The following RSKR variants were observed in gnomAD, a reference collection of about 807,000 sequenced individuals.
RSKR encodes the protein ribosomal protein S6 kinase-related protein.
In RSKR, 44 loss-of-function variants were observed where a neutral mutation model predicts 56.8. The observed-to-expected ratio is 0.77, with a 90% CI of 0.61 to 1.00. RSKR has a LOEUF of 1.00. RSKR is among the 50% of genes least tolerant of loss of function. The probability of loss-of-function intolerance (pLI) is 0.00; values close to 1 mark genes in which losing one functional copy is unlikely to be tolerated. For synonymous variants in RSKR, 181 were observed against 188.0 expected (o/e 0.96, Z 0.30); for missense variants, 510 against 506.9 (o/e 1.01, Z -0.06).
intron 4 of RSKR, 28 bp downstream of exon 4, chr17:28,613,050 A>T: frequency 6.2e-7 from 1 of 1,613,454 alleles, no homozygotes; most frequent in Non-Finnish European, 8.5e-7. Flanking sequence ...AGCTCTTCCC[A>T]CAATCCTTTC....
chr17:28,611,540 T>C, intron 9 of RSKR, 27 bp downstream of exon 9: 2 of 1,561,450 alleles, frequency 1.3e-6, no homozygotes, highest in Non-Finnish European at 1.7e-6. Flanking sequence ...TGCCCAATGC[T>C]TACCCATCAG....
At chr17:28,612,203 T>C in intron 6 of RSKR, 59 bp downstream of exon 6, 3 of 1,594,846 alleles carry the variant, frequency 1.9e-6, no homozygotes, top group Non-Finnish European at 2.6e-6. Flanking sequence ...AATTTTTTAC[T>C]CTCCTTCTTC....
rs568902381 is a variant in RSKR, at chr17:28,610,144, A to G, written c.*334T>C. ...GCCCATGAAGTATTATTATTGCTCA[A>G]GAAAGGAAACATGGCAGAGAAACAA... On this transcript the variant is annotated 3_prime_UTR_variant, in exon 12 of 12. Coordinates refer to ENST00000301037, the MANE Select transcript of RSKR (RefSeq NM_001174103.2). The G allele has an allele frequency of 1.1e-5, 3 of 269,690 alleles. No homozygotes were observed. Among genetic ancestry groups the G allele is most frequent in the African/African-American group, 6.4e-5 (3 of 46,558 alleles). The allele number at this position is 269,690 out of a possible 1,614,324, so 16.7% of individuals were successfully genotyped here.
rs751888529 is a variant in RSKR at position 28,612,696 on chromosome 17, A to G, written c.478-9T>C. ...GGATGGTTGATCTGTCGCTAGGAAC[A>G]AAGAAAACAGGAAGTTAGGGAGGAA... On this transcript the variant is annotated splice_polypyrimidine_tract_variant and intron_variant, in intron 4 of 11. Coordinates refer to ENST00000301037, the MANE Select transcript of RSKR (RefSeq NM_001174103.2). The G allele has an allele frequency of 6.2e-7, 1 of 1,614,152 alleles. No individual in the cohort carries two copies. Among genetic ancestry groups the G allele is most frequent in the Non-Finnish European group, 8.5e-7 (1 of 1,179,982 alleles).
chr17:28,610,891 G>C, intron 11 of RSKR, 192 bp from the exon 12 acceptor site: 1 of 677,356 alleles, frequency 1.5e-6, no homozygotes, highest in South Asian at 2.0e-5. Context: ...AGCTGTGCTT[G>C]TGAGTTTTCA....
intron 8 of RSKR, 21 bp from the exon 9 acceptor site, chr17:28,611,677 A>G (rs758678262): frequency 6.2e-7 from 1 of 1,607,892 alleles, no homozygotes; most frequent in East Asian, 2.2e-5. Flanking sequence ...AGGTAAGGCA[A>G]CTGCACCACT....
At position 28,610,305 on chromosome 17, in the gene RSKR, TG is replaced by T. The variant is rs1406787382; in HGVS notation, c.*172del. The T allele has an allele frequency of 9.7e-6, 6 of 617,796 alleles. No homozygotes were observed. The highest frequency in any genetic ancestry group is 1.8e-5 in the African/African-American group (1 of 54,128). The allele number at this position is 617,796 out of a possible 1,614,324, so 38.3% of individuals were successfully genotyped here. ...GATAGGGAAGGAATAGGGCCAGCTGTGGCTGCCAGTAGCAGAATGTCCAGGT... is the reference window on the plus strand; with the variant it reads ...GATAGGGAAGGAATAGGGCCAGCTGTGCTGCCAGTAGCAGAATGTCCAGGT... On this transcript the variant is annotated 3_prime_UTR_variant, in exon 12 of 12. Coordinates refer to ENST00000301037, the MANE Select transcript of RSKR (RefSeq NM_001174103.2).
chr17:28,610,528 C>A lies in RSKR; in HGVS notation c.1183G>T (p.Asp395Tyr), dbSNP rs1046342133. ...PSSAETMPFD[D>Y]FDCDLESFLL... ...AAGGACTCCAGATCACAGTCAAAGT[C>A]GTCAAAGGGCATGGTCTCCGCTGAA... The change falls in exon 12 of 12, where the codon GAC becomes TAC. Residue 395 changes from aspartate to tyrosine, a missense_variant. Physicochemically the swap from Asp to Tyr is radical, Grantham distance 160. Coordinates refer to ENST00000301037, the MANE Select transcript of RSKR (RefSeq NM_001174103.2). 1 of 1,535,998 alleles carries A rather than the reference C, an allele frequency of 6.5e-7. No homozygotes were observed. Among genetic ancestry groups the A allele is most frequent in the South Asian group, 1.2e-5 (1 of 84,052 alleles).
In RSKR at chr17:28,610,359, G is replaced by A. The variant is rs996355784; in HGVS notation, c.*119C>T. On this transcript the variant is annotated 3_prime_UTR_variant, in exon 12 of 12. Coordinates refer to ENST00000301037, the MANE Select transcript of RSKR (RefSeq NM_001174103.2). ...GAACTCTGGTCTAAAGCCTAGGAGAGCAGAACGGTAAGAGGCTACAAAATA... is the reference window on the plus strand; with the variant it reads ...GAACTCTGGTCTAAAGCCTAGGAGAACAGAACGGTAAGAGGCTACAAAATA... 9 of 930,576 alleles carry A rather than the reference G, an allele frequency of 9.7e-6. No individual in the cohort carries two copies. The Admixed American group carries it at 2.2e-4, about 22-fold the overall frequency. 57.6% of individuals were successfully genotyped at this position (930,576 alleles called of 1,614,324 possible).
rs1347385583 is a variant in RSKR, at chr17:28,609,654, G to A, written c.*824C>T. ...TTTGAAAAATTCACAGGCTGGGTGT[G>A]GAGGCTCATGCCTGTGAAGGTTGCA... On this transcript the variant is annotated 3_prime_UTR_variant, in exon 12 of 12. Coordinates refer to ENST00000301037, the MANE Select transcript of RSKR (RefSeq NM_001174103.2). 1.3e-5 allele frequency: 2 copies of A among 150,934 alleles called. No homozygotes were observed. Among genetic ancestry groups the A allele is most frequent in the Non-Finnish European group, 3.0e-5 (2 of 67,752 alleles). 9.3% of individuals were successfully genotyped at this position (150,934 alleles called of 1,614,324 possible). A position where few individuals can be genotyped will look rare whatever the true frequency, so the allele number is the denominator to read the frequency against.
Position 28,613,558 on chromosome 17 carries a change from A to T in RSKR, c.206T>A (p.Leu69Gln). Residue 69 changes from leucine (L) to glutamine (Q), a missense_variant, in exon 2 of 12, where the codon CTA becomes CAA. By Grantham distance (113) the Leu-to-Gln change is moderately radical (BLOSUM62 -2). Coordinates refer to ENST00000301037, the MANE Select transcript of RSKR (RefSeq NM_001174103.2). ...CTCTACCAGTACTGGGGCTGGCTTT[A>T]GGGATTCCTGGTGCAGATAGTGGTG... Reference protein sequence around the residue: ...RGHHYLHQESLKPAPVLVEKP... With the variant: ...RGHHYLHQESQKPAPVLVEKP... The T allele has an allele frequency of 6.2e-7, 1 of 1,614,196 alleles. No homozygotes were observed. Among genetic ancestry groups the T allele is most frequent in the South Asian group, 1.1e-5 (1 of 91,082 alleles).
In RSKR at chr17:28,611,776, T is replaced by C. The variant is rs145188224; in HGVS notation, c.713A>G (p.Asp238Gly). The C allele has an allele frequency of 5.0e-5, 80 of 1,614,098 alleles. No individual in the cohort carries two copies. The highest frequency in any genetic ancestry group is 6.1e-5 in the Non-Finnish European group (72 of 1,180,046). ...GAAGGAAAAAGACTTACCTCGTTCA[T>C]CTAGAAGAATATTCTCCATCTGAAA... The part of the protein sequence containing the change: ...RDVKMENILL[D>G]ERGHLKLTDF... Residue 238 changes from aspartate (D) to glycine (G), a missense_variant, in exon 8 of 12, where the codon GAT (aspartate) becomes GGT (glycine). Physicochemically the swap from Asp to Gly is moderately conservative, Grantham distance 94 (BLOSUM62 -1). Coordinates refer to ENST00000301037, the MANE Select transcript of RSKR (RefSeq NM_001174103.2).
chr17:28,612,653 C>A lies in RSKR; in HGVS notation c.512G>T (p.Gly171Val). The A allele has an allele frequency of 1.2e-6, 2 of 1,614,124 alleles. No individual in the cohort carries two copies. Among genetic ancestry groups the A allele is most frequent in the Non-Finnish European group, 1.7e-6 (2 of 1,180,026 alleles). Residue 171 changes from glycine to valine, a missense_variant, in exon 5 of 12, where the codon GGG becomes GTG. Coordinates refer to ENST00000301037, the MANE Select transcript of RSKR (RefSeq NM_001174103.2). ...QINHPFVHSLGDSWQGKRHLF... is the reference protein window; with the variant it reads ...QINHPFVHSLVDSWQGKRHLF... ...GTGCCGTTTTCCCTGCCAGCTGTCC[C>A]CCAAGCTGTGTACAAAGGGATGGTT...
rs749382342 is a variant in RSKR at position 28,609,032 on chromosome 17, CTTTTTTTTT to C, written c.*1437_*1445del. The C allele has an allele frequency of 8.5e-5, 8 of 93,630 alleles. No homozygotes were observed. Among genetic ancestry groups the C allele is most frequent in the African/African-American group, 3.4e-4 (7 of 20,798 alleles). The allele number at this position is 93,630 out of a possible 1,614,324, so 5.8% of individuals were successfully genotyped here. A position where few individuals can be genotyped will look rare whatever the true frequency, so the allele number is the denominator to read the frequency against. ...TTGAGATATGTCTCTAACCTTAAATCTTTTTTTTTTTTTTTTTTTTTTTTTTTTGAGACA... is the reference window on the plus strand; with the variant it reads ...TTGAGATATGTCTCTAACCTTAAATCTTTTTTTTTTTTTTTTTTTGAGACA... On this transcript the variant is annotated 3_prime_UTR_variant, in exon 12 of 12. Coordinates refer to ENST00000301037, the MANE Select transcript of RSKR (RefSeq NM_001174103.2).
Position 28,612,269 on chromosome 17 carries a change from C to T in RSKR, c.645G>A (p.Leu215=). The T allele has an allele frequency of 6.2e-7, 1 of 1,614,096 alleles. No individual in the cohort carries two copies. ...SIRLFAAELV[L]VLCYLHDLGI... The stretch of plus-strand genomic sequence containing the variant: ...TACCACTGTTTCACTTACACAGTAC[C>T]AGCACCAACTCGGCAGCAAAGAGAC... Residue 215 remains leucine (L), a synonymous_variant, in exon 6 of 12, where the codon CTG becomes CTA. Coordinates refer to ENST00000301037, the MANE Select transcript of RSKR (RefSeq NM_001174103.2).
At chr17:28,610,732 C>G (rs1411686176) in intron 11 of RSKR, 33 bp from the exon 12 acceptor site, 4 of 1,526,342 alleles carry the variant, frequency 2.6e-6, no homozygotes, top group Admixed American at 2.0e-5. Context: ...GGATGAGTGA[C>G]TAGGACAGGA....
Position 28,608,140 on chromosome 17 carries a change from C to G in RSKR, c.*2338G>C, listed in dbSNP as rs1465688813. 6.6e-6 allele frequency: 1 copy of G among 152,114 alleles called. No individual in the cohort carries two copies. The highest frequency in any genetic ancestry group is 6.5e-5 in the Admixed American group (1 of 15,270). 9.4% of individuals were successfully genotyped at this position (152,114 alleles called of 1,614,324 possible). A position where few individuals can be genotyped will look rare whatever the true frequency, so the allele number is the denominator to read the frequency against. On this transcript the variant is annotated 3_prime_UTR_variant, in exon 12 of 12. Coordinates refer to ENST00000301037, the MANE Select transcript of RSKR (RefSeq NM_001174103.2). Reference sequence around the variant, plus strand: ...GACTAGCATACAAAATACATAAACACTTGCTGAAGGTAGACCACAAATTGG... The same window carrying G: ...GACTAGCATACAAAATACATAAACAGTTGCTGAAGGTAGACCACAAATTGG...
rs2070809107 is a variant in RSKR, at chr17:28,611,265, G to A, written c.901-12C>T. ...GCAGCCACTGGAAACTGAGTTAAGA[G>A]GTAGGGAGTGGAGGTAGGGGTAGGG... On this transcript the variant is annotated splice_polypyrimidine_tract_variant and intron_variant, in intron 10 of 11. Coordinates refer to ENST00000301037, the MANE Select transcript of RSKR (RefSeq NM_001174103.2). 6.5e-7 allele frequency: 1 copy of A among 1,535,048 alleles called. No homozygotes were observed. Among genetic ancestry groups the A allele is most frequent in the Non-Finnish European group, 8.7e-7 (1 of 1,145,824 alleles).
chr17:28,610,858 T>C (rs2070802419), intron 11 of RSKR, 159 bp from the exon 12 acceptor site: 2 of 787,676 alleles, frequency 2.5e-6, no homozygotes, highest in Non-Finnish European at 3.9e-6. Context: ...AGAGGCTAAT[T>C]TGGGGCAAAG....
Sources: gnomAD v4.1 joint callset for allele counts on GRCh38, gnomAD v4.1.1 for gene constraint, MANE v1.5 for transcripts, NCBI Gene and HGNC (gene_info 2026-07-23, HGNC 2026-07-21) for gene names.